DMD: variants seen among roughly 807,000 people sequenced by gnomAD.
The protein encoded by DMD is dystrophin.
A neutral mutation model predicts 330.1 loss-of-function variants in DMD; 63 were observed. The ratio of observed to expected loss-of-function variants is 0.19; its 90% CI spans 0.16 to 0.24. The LOEUF (loss-of-function observed/expected upper bound fraction) is 0.24. Among genes scored for constraint, DMD ranks in the 10% least tolerant of loss-of-function variants. The pLI is 1.00. For synonymous variants in DMD, 1,223 were observed against 959.8 expected (o/e 1.27, Z -5.07); for missense variants, 3,344 against 2,684.1 (o/e 1.25, Z -5.43).
At chrX:32,898,451 A>G in intron 2 of DMD, among the ~76,000 whole-genome samples, 1 of 112,274 alleles carries the variant, frequency 8.9e-6, no homozygotes, top group East Asian at 2.8e-4. Context: ...TTAAACAGCT[A>G]TGTTTTAGTG....
At chrX:33,311,482 A>C (rs2053848753) in intron 1 of DMD, among the ~76,000 whole-genome samples, 1 of 111,036 alleles carries the variant, frequency 9.0e-6, no homozygotes, top group African/African-American at 3.3e-5. Context: ...CCTTATTTAC[A>C]TAAAAAATAA....
At chrX:32,335,899 T>TAC (rs199571048) in intron 41 of DMD, among the ~76,000 whole-genome samples, 1,980 of 105,589 alleles carry the variant, frequency 0.019, 74 homozygotes, top group African/African-American at 0.062. Context: ...TAACATGTTA[T>TAC]ACATATAACG....
At chrX:31,441,275 C>T (rs1434357954) in intron 60 of DMD, among the ~76,000 whole-genome samples, 1 of 111,892 alleles carries the variant, frequency 8.9e-6, no homozygotes, top group Non-Finnish European at 1.9e-5. Flanking sequence ...CAGCTCACTG[C>T]AACCTCTGCC....
intron 1 of DMD, among the ~76,000 whole-genome samples, chrX:33,282,366 G>A (rs959370232): frequency 1.8e-5 from 2 of 111,420 alleles, no homozygotes; most frequent in Non-Finnish European, 3.8e-5. Context: ...TTGTTCTTGA[G>A]GGATCCCTCT....
chrX:32,293,321 A>G (rs2097481681), intron 42 of DMD, among the ~76,000 whole-genome samples: 1 of 112,117 alleles, frequency 8.9e-6, no homozygotes, highest in Non-Finnish European at 1.9e-5. Flanking sequence ...GAAAAGAGTG[A>G]GAAGAAAGGT....
chrX:32,590,704 C>T (rs2054811148), intron 13 of DMD, among the ~76,000 whole-genome samples: 1 of 111,751 alleles, frequency 8.9e-6, no homozygotes, highest in Admixed American at 9.5e-5. Context: ...GGGGGACTTA[C>T]ACCAGTGATT....
chrX:32,850,884 C>T (rs2081085102), intron 2 of DMD, among the ~76,000 whole-genome samples: 1 of 111,451 alleles, frequency 9.0e-6, no homozygotes, highest in Non-Finnish European at 1.9e-5. Flanking sequence ...TATGCTAGTA[C>T]ATCAGACATA....
intron 1 of DMD, among the ~76,000 whole-genome samples, chrX:33,259,125 A>C (rs2052907848): frequency 9.0e-6 from 1 of 111,215 alleles, no homozygotes; most frequent in Non-Finnish European, 1.9e-5. Context: ...AATTGTGCTA[A>C]AAACATGTTT....
At chrX:32,776,411 T>C (rs779843279) in intron 7 of DMD, among the ~76,000 whole-genome samples, 2 of 111,241 alleles carry the variant, frequency 1.8e-5, no homozygotes, top group South Asian at 3.9e-4. Flanking sequence ...TTTCACACTG[T>C]TATAAAGAGT....
intron 1 of DMD, among the ~76,000 whole-genome samples, chrX:33,193,509 C>A (rs1488930015): frequency 8.9e-6 from 1 of 111,956 alleles, no homozygotes; most frequent in Non-Finnish European, 1.9e-5. Flanking sequence ...TGGTTTCCTG[C>A]AATTGGAAAG....
chrX:31,193,114 G>A (rs1466530056), intron 67 of DMD, among the ~76,000 whole-genome samples: 5 of 111,319 alleles, frequency 4.5e-5, no homozygotes, highest in Admixed American at 9.5e-5. Flanking sequence ...TGACAGGTGC[G>A]GGTCCATATA....
intron 1 of DMD, among the ~76,000 whole-genome samples, chrX:33,146,198 G>C (rs1483274356): frequency 9.1e-6 from 1 of 110,334 alleles, no homozygotes; most frequent in African/African-American, 3.3e-5. Context: ...CTGGCCAACT[G>C]TTACCACTTT....
intron 12 of DMD, among the ~76,000 whole-genome samples, chrX:32,612,538 G>A (rs2057256173): frequency 9.0e-6 from 1 of 111,633 alleles, no homozygotes; most frequent in African/African-American, 3.3e-5. Flanking sequence ...GCCCAGGGAA[G>A]CCAACGGGTT....
chrX:31,632,379 T>C (rs1335870099), intron 54 of DMD, among the ~76,000 whole-genome samples: 4 of 111,896 alleles, frequency 3.6e-5, no homozygotes, highest in Non-Finnish European at 7.5e-5. Flanking sequence ...TACAGAAACA[T>C]ATTGAGTATT....
intron 52 of DMD, among the ~76,000 whole-genome samples, chrX:31,685,623 C>T (rs927626409): frequency 8.9e-6 from 1 of 112,379 alleles, no homozygotes; most frequent in Non-Finnish European, 1.9e-5. Flanking sequence ...GTAGAAGATG[C>T]TGTCAGGGCC....
rs767649715 is a variant in DMD at position 33,020,207 on chromosome X, T to C, written c.32-7A>G. On this transcript the variant is annotated splice_region_variant and splice_polypyrimidine_tract_variant and intron_variant, in intron 1 of 78. Transcript: ENST00000357033. ...TGAACATCTTCTCTTTCATCTAAAA[T>C]GCAAAATAAAAAAATAAAAGTTAGG... 8 of 1,144,311 alleles carry C rather than the reference T, an allele frequency of 7.0e-6. No individual in the cohort carries two copies. In the South Asian group the frequency reaches 1.1e-4, roughly 16 times the overall value. 94.3% of individuals were successfully genotyped at this position (1,144,311 alleles called of 1,213,427 possible).
At chrX:32,871,731 A>C (rs1254209860) in intron 2 of DMD, among the ~76,000 whole-genome samples, 6 of 111,600 alleles carry the variant, frequency 5.4e-5, no homozygotes, top group Non-Finnish European at 5.6e-5. Flanking sequence ...ATGGTAAGAC[A>C]CAGTCGTTGT....
intron 62 of DMD, among the ~76,000 whole-genome samples, chrX:31,293,185 TGTGTGTGTAGTCTGGTTTA>T (rs1163991974): frequency 4.3e-4 from 38 of 87,925 alleles, no homozygotes; most frequent in African/African-American, 5.4e-4. Flanking sequence ...TGTGTGTGTG[TGTGTGTGTAGTCTGGTTTA>T]GTGTGTGTGT....
intron 2 of DMD, among the ~76,000 whole-genome samples, chrX:32,995,110 C>T (rs189273847): frequency 8.9e-6 from 1 of 111,878 alleles, no homozygotes; most frequent in African/African-American, 3.3e-5. Flanking sequence ...GTCTCAAAAA[C>T]CAAACCAAAA....
Sources: gnomAD v4.1 joint callset for allele counts (sites outside exome capture counted in the v4.1 genomes callset) on GRCh38, gnomAD v4.1.1 for gene constraint, MANE v1.5 for transcripts, NCBI Gene and HGNC (gene_info 2026-07-23, HGNC 2026-07-21) for gene names.